The following SCAPER variants were observed in gnomAD, a reference collection of about 807,000 sequenced individuals.
SCAPER encodes S phase cyclin A-associated protein in the endoplasmic reticulum.
A neutral mutation model predicts 182.2 loss-of-function variants in SCAPER; 98 were observed. The ratio of observed to expected loss-of-function variants is 0.54; its 90% CI spans 0.46 to 0.64. The LOEUF (loss-of-function observed/expected upper bound fraction) is 0.64, where lower values mean the gene tolerates loss of function less well. SCAPER is among the 30% of genes least tolerant of loss of function. The probability of loss-of-function intolerance (pLI) is 0.00; values close to 1 mark genes in which losing one functional copy is unlikely to be tolerated. For missense variants in SCAPER, 1,432 were observed against 1,690.0 expected, an observed-to-expected ratio of 0.85 and a Z score of 2.68; for synonymous variants, 605 against 564.6, an observed-to-expected ratio of 1.07 and a Z score of -1.01.
intron 23 of SCAPER, among the ~76,000 whole-genome samples, chr15:76,533,802 A>G (rs1236312196): frequency 6.6e-6 from 1 of 152,096 alleles, no homozygotes; most frequent in Non-Finnish European, 1.5e-5. Flanking sequence ...CTGTCTATCT[A>G]TCAGCACACT....
intron 27 of SCAPER, among the ~76,000 whole-genome samples, chr15:76,391,366 T>G (rs1239419624): frequency 6.6e-6 from 1 of 152,220 alleles, no homozygotes; most frequent in East Asian, 1.9e-4. Flanking sequence ...GGTTGATTGT[T>G]TTTTCCCCAT....
intron 17 of SCAPER, among the ~76,000 whole-genome samples, chr15:76,723,137 C>T (rs1009003688): frequency 1.1e-4 from 17 of 151,978 alleles, no homozygotes; most frequent in Non-Finnish European, 2.1e-4. Flanking sequence ...TGTCTTTGTT[C>T]TCGTTGGTTT....
chr15:76,645,986 C>T (rs2054513691), intron 21 of SCAPER, among the ~76,000 whole-genome samples: 1 of 152,128 alleles, frequency 6.6e-6, no homozygotes, highest in Non-Finnish European at 1.5e-5. Context: ...TCCTACTCCA[C>T]GGTCAGGCTC....
chr15:76,897,472 G>A (rs1443497784), intron 1 of SCAPER, among the ~76,000 whole-genome samples: 1 of 152,128 alleles, frequency 6.6e-6, no homozygotes, highest in East Asian at 1.9e-4. Context: ...TTGGGAGGCT[G>A]AGGCGGAGAG....
chr15:76,758,408 T>C (rs752373746), intron 14 of SCAPER, among the ~76,000 whole-genome samples: 19 of 152,204 alleles, frequency 1.2e-4, no homozygotes, highest in Non-Finnish European at 2.6e-4. Flanking sequence ...TGCATAGGTT[T>C]ATTTCTGGGT....
rs533337341 is a variant in SCAPER at position 76,778,643 on chromosome 15, A to G, written c.773-3526T>C. On this transcript the variant is annotated intron_variant, in intron 8 of 31. Transcript: ENST00000563290. ...TATTTAAACACATAAGTGTGAGTGT[A>G]TGTGTGTGTGTGTGTGTGTGTGTAT... is the stretch of plus-strand genomic sequence containing the variant. Among the ~76,000 whole-genome samples, 53 of 148,746 alleles carry G rather than the reference A, an allele frequency of 3.6e-4. No homozygotes were observed. The South Asian group carries it at 6.6e-3, about 18-fold the overall frequency.
intron 20 of SCAPER, among the ~76,000 whole-genome samples, chr15:76,694,429 A>C (rs952277306): frequency 2.0e-5 from 3 of 152,122 alleles, no homozygotes; most frequent in Non-Finnish European, 4.4e-5. Context: ...AATTGTGGTA[A>C]TCACTACATA....
At chr15:76,902,389 C>T (rs1201418026) in intron 1 of SCAPER, among the ~76,000 whole-genome samples, 3 of 152,156 alleles carry the variant, frequency 2.0e-5, no homozygotes, top group Non-Finnish European at 4.4e-5. Flanking sequence ...GTGTACTATG[C>T]TTATGGCCTG....
intron 15 of SCAPER, among the ~76,000 whole-genome samples, chr15:76,753,383 T>C (rs779234199): frequency 3.9e-5 from 6 of 151,900 alleles, no homozygotes; most frequent in Non-Finnish European, 8.9e-5. Flanking sequence ...AGATACTGTA[T>C]GATTCCATGC....
At chr15:76,783,756 C>T (rs1229606474) in intron 8 of SCAPER, among the ~76,000 whole-genome samples, 1 of 152,044 alleles carries the variant, frequency 6.6e-6, no homozygotes, top group Non-Finnish European at 1.5e-5. Flanking sequence ...AAATGTAATC[C>T]ATTATATAAA....
At chr15:76,606,931 C>T (rs1049158019) in intron 22 of SCAPER, among the ~76,000 whole-genome samples, 5 of 152,180 alleles carry the variant, frequency 3.3e-5, no homozygotes, top group African/African-American at 1.2e-4. Context: ...AGATGGGTTT[C>T]CTGAATACAG....
At chr15:76,811,095 T>A (rs2066572921) in intron 5 of SCAPER, among the ~76,000 whole-genome samples, 1 of 139,348 alleles carries the variant, frequency 7.2e-6, no homozygotes. Context: ...CTGCAATGTC[T>A]CACTTTCAAT....
intron 26 of SCAPER, among the ~76,000 whole-genome samples, chr15:76,413,596 G>A (rs1014396811): frequency 9.2e-5 from 14 of 152,286 alleles, no homozygotes; most frequent in Admixed American, 9.2e-4. Context: ...TGGTGATGAT[G>A]TCTTCCTTTA....
chr15:76,348,124 T>C lies in SCAPER; in HGVS notation c.*509A>G, dbSNP rs894473489. 2 of 152,406 alleles carry C rather than the reference T, an allele frequency of 1.3e-5. No homozygotes were observed. Among genetic ancestry groups the C allele is most frequent in the Non-Finnish European group, 1.5e-5 (1 of 68,096 alleles). 9.4% of individuals were successfully genotyped at this position (152,406 alleles called of 1,614,324 possible). A position where few individuals can be genotyped will look rare whatever the true frequency, so the allele number is the denominator to read the frequency against. On this transcript the variant is annotated 3_prime_UTR_variant, in exon 32 of 32. Transcript: ENST00000563290. ...TGATTTCAAATAGCCCCCAAACATATTATGTAGTCAGAATGCAAAAGTGTT... is the reference window on the plus strand; with the variant it reads ...TGATTTCAAATAGCCCCCAAACATACTATGTAGTCAGAATGCAAAAGTGTT...
At chr15:76,787,283 T>C (rs2064680675) in intron 8 of SCAPER, among the ~76,000 whole-genome samples, 3 of 152,114 alleles carry the variant, frequency 2.0e-5, no homozygotes, top group African/African-American at 4.8e-5. Context: ...AAAAAACATA[T>C]GAAACACAAT....
At chr15:76,652,371 C>CACACACACACATATATATATAT (rs764864981) in intron 21 of SCAPER, among the ~76,000 whole-genome samples, 2 of 8,066 alleles carry the variant, frequency 2.5e-4, no homozygotes, top group South Asian at 7.7e-3. Context: ...CACACACACA[C>CACACACACACATATATATATAT]ATATATATAT....
intron 25 of SCAPER, among the ~76,000 whole-genome samples, chr15:76,447,889 A>C (rs2048108433): frequency 6.6e-6 from 1 of 152,204 alleles, no homozygotes; most frequent in African/African-American, 2.4e-5. Flanking sequence ...TCATGGTCTT[A>C]TGAGGACAGG....
At chr15:76,429,896 C>A (rs1023932062) in intron 26 of SCAPER, among the ~76,000 whole-genome samples, 14 of 152,184 alleles carry the variant, frequency 9.2e-5, no homozygotes, top group African/African-American at 3.4e-4. Context: ...GTCTTCATGG[C>A]AGCCCCTCCC....
At chr15:76,703,982 A>G (rs544600823) in intron 18 of SCAPER, among the ~76,000 whole-genome samples, 5 of 152,148 alleles carry the variant, frequency 3.3e-5, no homozygotes, top group Admixed American at 3.3e-4. Flanking sequence ...CTGTGATATA[A>G]TATGAAACAT....
Sources: allele counts gnomAD v4.1 joint callset (sites outside exome capture counted in the v4.1 genomes callset), GRCh38; gene constraint gnomAD v4.1.1; transcripts MANE v1.5; gene names NCBI Gene and HGNC (gene_info 2026-07-23, HGNC 2026-07-21).